The following SORCS1 variants were observed in gnomAD, a reference collection of about 807,000 sequenced individuals.
SORCS1 encodes the protein sortilin related VPS10 domain containing receptor 1.
SORCS1 carries 60 observed loss-of-function variants against 146.1 expected under a neutral mutation model. That is an observed-to-expected ratio of 0.41 (90% CI 0.33 to 0.51). The LOEUF (loss-of-function observed/expected upper bound fraction) is 0.51, where lower values mean the gene tolerates loss of function less well. Among genes scored for constraint, SORCS1 ranks in the 20% least tolerant of loss-of-function variants. SORCS1 has a pLI of 0.21. For synonymous variants in SORCS1, 637 were observed against 584.0 expected (o/e 1.09, Z -1.31); for missense variants, 1,352 against 1,487.6 (o/e 0.91, Z 1.50).
chr10:106,757,783 G>C (rs908628565), intron 5 of SORCS1, among the ~76,000 whole-genome samples: 6 of 152,206 alleles, frequency 3.9e-5, no homozygotes, highest in Non-Finnish European at 7.3e-5. Flanking sequence ...AAGAGGCAGA[G>C]ACAAGAGCAT....
chr10:106,958,074 C>T (rs1012424260), intron 1 of SORCS1, among the ~76,000 whole-genome samples: 1 of 152,216 alleles, frequency 6.6e-6, no homozygotes, highest in Non-Finnish European at 1.5e-5. Flanking sequence ...GTGTCTGCAG[C>T]AATGAACAGA....
At chr10:107,173,020 T>G in the SORCS1 span, among the ~76,000 whole-genome samples, 1 of 152,292 alleles carries the variant, frequency 6.6e-6, no homozygotes, top group African/African-American at 2.4e-5. Flanking sequence ...GATTTTATTT[T>G]TACACACAAA....
At chr10:107,179,863 A>G in the SORCS1 span, among the ~76,000 whole-genome samples, 6 of 124,752 alleles carry the variant, frequency 4.8e-5, no homozygotes, top group South Asian at 7.3e-4. Context: ...ACTCTTTAGC[A>G]TGTATTTTTA....
chr10:106,697,088 T>C (rs1357915415), intron 9 of SORCS1, among the ~76,000 whole-genome samples: 1 of 152,152 alleles, frequency 6.6e-6, no homozygotes, highest in African/African-American at 2.4e-5. Context: ...GGCAAGAAAA[T>C]GCATGGCATT....
At chr10:106,961,394 C>T (rs1333750219) in intron 1 of SORCS1, among the ~76,000 whole-genome samples, 1 of 152,220 alleles carries the variant, frequency 6.6e-6, no homozygotes, top group African/African-American at 2.4e-5. Context: ...TCTGGTTCTA[C>T]ATACAGCAAC....
At chr10:107,030,984 T>C (rs2133929758) in intron 1 of SORCS1, among the ~76,000 whole-genome samples, 1 of 152,284 alleles carries the variant, frequency 6.6e-6, no homozygotes, top group South Asian at 2.1e-4. Flanking sequence ...CCCATTACCG[T>C]TCTTAGAGAA....
At chr10:106,860,793 C>T (rs995909683) in intron 2 of SORCS1, among the ~76,000 whole-genome samples, 7 of 152,170 alleles carry the variant, frequency 4.6e-5, no homozygotes, top group Admixed American at 3.3e-4. Context: ...TTCCAAACAA[C>T]GAACCACTGC....
chr10:106,600,324 C>A, intron 23 of SORCS1: 5 of 967,526 alleles, frequency 5.2e-6, no homozygotes, highest in Non-Finnish European at 6.1e-6. Context: ...TAAAAATTAT[C>A]TGGTAACAGA....
chr10:107,038,512 C>T (rs900635036), intron 1 of SORCS1, among the ~76,000 whole-genome samples: 1 of 152,162 alleles, frequency 6.6e-6, no homozygotes, highest in African/African-American at 2.4e-5. Flanking sequence ...GCACATTGTG[C>T]GCACGTACCC....
At position 106,963,110 on chromosome 10, in the gene SORCS1, A is replaced by ATTTT. The variant is rs749174613; in HGVS notation, c.559-6534_559-6531dup. ...AAGAGAGCAGTGTTCAATGGCCAGAATTTTTTTTTTTTTTTTTTTTTTTTT... is the reference window on the plus strand; with the variant it reads ...AAGAGAGCAGTGTTCAATGGCCAGAATTTTTTTTTTTTTTTTTTTTTTTTTTTTT... On this transcript the variant is annotated intron_variant, in intron 1 of 25. Coordinates refer to ENST00000263054, the MANE Select transcript of SORCS1 (RefSeq NM_052918.5). 1.2e-3 allele frequency among the ~76,000 whole-genome samples: 91 copies of ATTTT among 76,304 alleles called. 12 individuals carry two copies. The highest frequency in any genetic ancestry group is 6.1e-3 in the East Asian group (14 of 2,280). The allele number at this position is 76,304 out of a possible 152,430, so 50.1% of individuals were successfully genotyped here.
intron 4 of SORCS1, among the ~76,000 whole-genome samples, chr10:106,769,241 T>C (rs1859806177): frequency 1.3e-5 from 2 of 152,106 alleles, no homozygotes; most frequent in South Asian, 4.2e-4. Flanking sequence ...ATCCCAGCAC[T>C]TTGGGAGGCT....
At chr10:107,087,573 G>A (rs1963857393) in intron 1 of SORCS1, among the ~76,000 whole-genome samples, 1 of 152,196 alleles carries the variant, frequency 6.6e-6, no homozygotes, top group African/African-American at 2.4e-5. Context: ...AAGAATGTAT[G>A]TAATATACCA....
chr10:106,632,546 C>A (rs544865505), intron 18 of SORCS1, among the ~76,000 whole-genome samples: 2 of 152,286 alleles, frequency 1.3e-5, no homozygotes, highest in Admixed American at 6.5e-5. Flanking sequence ...CTCACCCTAC[C>A]GGCGCTCTGG....
chr10:106,965,609 A>C (rs911828446), intron 1 of SORCS1, among the ~76,000 whole-genome samples: 1 of 152,234 alleles, frequency 6.6e-6, no homozygotes, highest in African/African-American at 2.4e-5. Context: ...TATGATGATG[A>C]AATTGAGCCA....
intron 1 of SORCS1, among the ~76,000 whole-genome samples, chr10:107,105,287 G>C (rs2134411455): frequency 6.6e-6 from 1 of 152,312 alleles, no homozygotes. Flanking sequence ...AGAAGTCAGA[G>C]TGAAAGGAAG....
intron 2 of SORCS1, among the ~76,000 whole-genome samples, chr10:106,894,606 T>C (rs952361186): frequency 1.3e-5 from 2 of 152,058 alleles, no homozygotes; most frequent in African/African-American, 4.8e-5. Context: ...GCATAGCCAA[T>C]GAAGGAAGAT....
At chr10:107,146,318 C>T (rs370969347) in intron 1 of SORCS1, among the ~76,000 whole-genome samples, 1,908 of 119,930 alleles carry the variant, frequency 0.016, 37 homozygotes, top group African/African-American at 0.069. Context: ...ACCATGACAA[C>T]CAGCACTCCA....
At chr10:107,016,535 G>A (rs1035584140) in intron 1 of SORCS1, among the ~76,000 whole-genome samples, 3 of 152,068 alleles carry the variant, frequency 2.0e-5, no homozygotes, top group Non-Finnish European at 4.4e-5. Context: ...ATTATAGGTC[G>A]ATTGTACATT....
intron 3 of SORCS1, among the ~76,000 whole-genome samples, chr10:106,801,557 C>T (rs1191419394): frequency 3.9e-5 from 5 of 127,464 alleles, no homozygotes; most frequent in South Asian, 4.9e-4. Flanking sequence ...GAGACGGAGT[C>T]TCGCTCTGTC....
Sources: gnomAD v4.1 joint callset for allele counts (sites outside exome capture counted in the v4.1 genomes callset) on GRCh38, gnomAD v4.1.1 for gene constraint, MANE v1.5 for transcripts, NCBI Gene and HGNC (gene_info 2026-07-23, HGNC 2026-07-21) for gene names.